Variants in SLC30A9 observed in about 807,000 individuals in gnomAD.
SLC30A9 encodes the protein proton-coupled zinc antiporter SLC30A9, mitochondrial.
SLC30A9 carries 58 observed loss-of-function variants against 87.5 expected under a neutral mutation model. The observed-to-expected ratio is 0.66, with a 90% CI of 0.54 to 0.82. The LOEUF is 0.82. Among genes scored for constraint, SLC30A9 ranks in the 40% least tolerant of loss-of-function variants. The pLI, the probability that SLC30A9 is intolerant of heterozygous loss-of-function variation, is 0.00. For synonymous variants in SLC30A9, 234 were observed against 233.0 expected, an observed-to-expected ratio of 1.00 and a Z score of -0.04; for missense variants, 557 against 679.1, an observed-to-expected ratio of 0.82 and a Z score of 2.00.
chr4:42,065,256 C>A (rs958686911), intron 11 of SLC30A9, 54 bp from the exon 12 acceptor site: 15 of 906,908 alleles, frequency 1.7e-5, no homozygotes, highest in Non-Finnish European at 2.6e-5. Flanking sequence ...TATATATGAA[C>A]AATTGTGATT....
chr4:42,031,744 A>G (rs1256134163), intron 6 of SLC30A9, among the ~76,000 whole-genome samples: 1 of 152,222 alleles, frequency 6.6e-6, no homozygotes, highest in Admixed American at 6.5e-5. Context: ...CCTGTATTAC[A>G]AAGAATTGCA....
chr4:42,011,628 T>C (rs1378321182), intron 2 of SLC30A9, among the ~76,000 whole-genome samples: 1 of 152,160 alleles, frequency 6.6e-6, no homozygotes, highest in Non-Finnish European at 1.5e-5. Context: ...AATTTCAAAA[T>C]ACATGAAGAA....
In SLC30A9 at chr4:42,060,298, A is replaced by T. The variant is rs538988369; in HGVS notation, c.896+52A>T. On this transcript the variant is annotated intron_variant, in intron 10 of 17. Coordinates refer to ENST00000264451, the MANE Select transcript of SLC30A9 (RefSeq NM_006345.4). ...TGTTTGTTTTGGCGATAAGTCATTG[A>T]AATAACTAAATATCAGAAATCTCCT... 3.4e-5 allele frequency: 44 copies of T among 1,310,794 alleles called. No homozygotes were observed. In the East Asian group the frequency reaches 5.3e-4, roughly 16 times the overall value. The allele number at this position is 1,310,794 out of a possible 1,614,324, so 81.2% of individuals were successfully genotyped here. A position where few individuals can be genotyped will look rare whatever the true frequency, so the allele number is the denominator to read the frequency against.
At chr4:42,050,898 G>A (rs1717357629) in intron 9 of SLC30A9, among the ~76,000 whole-genome samples, 1 of 152,148 alleles carries the variant, frequency 6.6e-6, no homozygotes. Flanking sequence ...AGTGTTCAGG[G>A]TGTCTGAGGT....
At chr4:42,073,178 C>G (rs948445264) in intron 15 of SLC30A9, among the ~76,000 whole-genome samples, 12 of 152,162 alleles carry the variant, frequency 7.9e-5, no homozygotes, top group African/African-American at 2.7e-4. Context: ...GTATCCGTTA[C>G]TGAAAGTATC....
intron 6 of SLC30A9, among the ~76,000 whole-genome samples, chr4:42,028,281 C>T (rs1196510790): frequency 1.3e-5 from 2 of 152,124 alleles, no homozygotes; most frequent in Non-Finnish European, 2.9e-5. Flanking sequence ...CCATGCCCGG[C>T]TAATTTTTTT....
At chr4:42,050,944 G>C (rs1717360206) in intron 9 of SLC30A9, among the ~76,000 whole-genome samples, 2 of 152,152 alleles carry the variant, frequency 1.3e-5, no homozygotes. Context: ...CACAGAGGAA[G>C]GAGCTACAAG....
intron 6 of SLC30A9, among the ~76,000 whole-genome samples, chr4:42,033,904 T>C (rs1410022162): frequency 6.6e-6 from 1 of 152,200 alleles, no homozygotes; most frequent in Non-Finnish European, 1.5e-5. Context: ...AACTCTGTCA[T>C]GAGGACTATG....
chr4:42,048,435 A>G (rs1717257024), intron 8 of SLC30A9, among the ~76,000 whole-genome samples: 1 of 152,114 alleles, frequency 6.6e-6, no homozygotes, highest in Admixed American at 6.5e-5. Context: ...AGGGTAGCTA[A>G]AAGGGGACAT....
intron 1 of SLC30A9, among the ~76,000 whole-genome samples, chr4:42,000,975 T>C (rs1408840251): frequency 6.6e-6 from 1 of 152,040 alleles, no homozygotes; most frequent in Non-Finnish European, 1.5e-5. Context: ...AATTTGGTTT[T>C]CTAGTACTTG....
chr4:42,059,579 C>T (rs542648363), intron 9 of SLC30A9, among the ~76,000 whole-genome samples: 1 of 147,414 alleles, frequency 6.8e-6, no homozygotes, highest in Non-Finnish European at 1.5e-5. Flanking sequence ...TGTGCCCATA[C>T]ACAATATATA....
chr4:42,065,522 T>C (rs1036239818), intron 12 of SLC30A9, among the ~76,000 whole-genome samples, 173 bp downstream of exon 12: 10 of 152,208 alleles, frequency 6.6e-5, no homozygotes, highest in Non-Finnish European at 1.2e-4. Context: ...ACTGTGGTTG[T>C]TCTGTAATGG....
chr4:41,992,429 TC>T (rs2153131742), intron 1 of SLC30A9, among the ~76,000 whole-genome samples: 1 of 152,328 alleles, frequency 6.6e-6, no homozygotes, highest in African/African-American at 2.4e-5. Context: ...CACAATTGTT[TC>T]TATTGACCAA....
intron 3 of SLC30A9, chr4:42,018,390 C>A: frequency 7.7e-7 from 1 of 1,303,466 alleles, no homozygotes; most frequent in South Asian, 1.3e-5. Flanking sequence ...TTTCAAAAGC[C>A]CAAGAAAGGA....
chr4:42,036,695 A>G (rs1008814850), intron 7 of SLC30A9, among the ~76,000 whole-genome samples: 24 of 152,308 alleles, frequency 1.6e-4, no homozygotes, highest in Admixed American at 1.6e-3. Flanking sequence ...ATCTTATTTG[A>G]TATGCTTTCC....
chr4:42,042,665 G>C (rs1447770130), intron 8 of SLC30A9, among the ~76,000 whole-genome samples: 1 of 152,142 alleles, frequency 6.6e-6, no homozygotes, highest in Non-Finnish European at 1.5e-5. Context: ...AGACTTAAAC[G>C]TTCCTGTCTG....
chr4:42,051,861 TAG>T (rs1717395436), intron 9 of SLC30A9, among the ~76,000 whole-genome samples: 1 of 151,984 alleles, frequency 6.6e-6, no homozygotes, highest in African/African-American at 2.4e-5. Context: ...TTAATGAGGC[TAG>T]TATAACCCTG....
chr4:42,032,616 G>A (rs1433701861), intron 6 of SLC30A9, among the ~76,000 whole-genome samples: 1 of 152,130 alleles, frequency 6.6e-6, no homozygotes, highest in Non-Finnish European at 1.5e-5. Flanking sequence ...GAGTATAGGA[G>A]TTCATTACCA....
chr4:42,049,533 T>G, intron 9 of SLC30A9, 54 bp downstream of exon 9: 1 of 945,164 alleles, frequency 1.1e-6, no homozygotes, highest in Non-Finnish European at 1.6e-6. Flanking sequence ...GTTGTAGGCT[T>G]TAATCTAAAA....
Sources: allele counts gnomAD v4.1 joint callset (sites outside exome capture counted in the v4.1 genomes callset), GRCh38; gene constraint gnomAD v4.1.1; transcripts MANE v1.5; gene names NCBI Gene and HGNC (gene_info 2026-07-23, HGNC 2026-07-21).